Variants in STX1A observed in about 807,000 individuals in gnomAD.
STX1A encodes syntaxin-1A.
A neutral mutation model predicts 37.8 loss-of-function variants in STX1A; 4 were observed. The observed-to-expected ratio is 0.11, with a 90% CI of 0.05 to 0.24. The LOEUF is 0.24. STX1A is among the 10% of genes least tolerant of loss of function. STX1A has a pLI of 1.00. For synonymous variants in STX1A, 135 were observed against 147.4 expected (o/e 0.92, Z 0.61); for missense variants, 251 against 399.9 (o/e 0.63, Z 3.18).
intron 1 of STX1A, among the ~76,000 whole-genome samples, chr7:73,715,529 CT>C (rs1799262696): frequency 6.6e-6 from 1 of 152,186 alleles, no homozygotes; most frequent in African/African-American, 2.4e-5. Flanking sequence ...ACAGACCCTG[CT>C]GGAACCACGG....
At chr7:73,715,363 A>C (rs1799254628) in intron 1 of STX1A, among the ~76,000 whole-genome samples, 1 of 152,030 alleles carries the variant, frequency 6.6e-6, no homozygotes, top group African/African-American at 2.4e-5. Flanking sequence ...TGGAGGCTGC[A>C]GTGAGCTGAG....
At chr7:73,708,515 T>G in intron 3 of STX1A, 74 bp downstream of exon 3, 16 of 1,447,108 alleles carry the variant, frequency 1.1e-5, no homozygotes, top group Non-Finnish European at 1.3e-5. Context: ...AGAGGTCCCG[T>G]GAGGCCTCCC....
rs782523318 is a variant in STX1A at position 73,700,802 on chromosome 7, G to A, written c.717C>T (p.His239=). The A allele has an allele frequency of 1.3e-5, 21 of 1,613,732 alleles. 1 individual carries two copies. Among genetic ancestry groups the A allele is most frequent in the African/African-American group, 6.7e-5 (5 of 74,876 alleles). The change falls in exon 9 of 10, where the codon CAC becomes CAT. Residue 239 remains histidine, a synonymous_variant. Transcript: ENST00000222812. The surrounding 1 kb of genome is among the most constrained non-coding windows in gnomAD (Gnocchi z 4.4). ...MIDRIEYNVE[H]AVDYVERAVS... is the part of the protein sequence containing the mutation. The stretch of plus-strand genomic sequence containing the variant: ...CGGCCCTCTCCACATAGTCTACCGC[G>A]TGTTCCACATTGTACTCGATCCTGT...
rs567608089 is a variant in STX1A at position 73,702,964 on chromosome 7, T to C, written c.559A>G (p.Ile187Val). 41 of 1,522,248 alleles carry C rather than the reference T, an allele frequency of 2.7e-5. No individual in the cohort carries two copies. In the African/African-American group the frequency reaches 4.5e-4, roughly 17 times the overall value. The allele number at this position is 1,522,248 out of a possible 1,614,324, so 94.3% of individuals were successfully genotyped here. A position where few individuals can be genotyped will look rare whatever the true frequency, so the allele number is the denominator to read the frequency against. ...ATCTCGCTCAGAGCCTGCTTCGAGA[T>C]GCTGGAGTCCATGATGATCTGGGGG... ...FASGIIMDSS[I>V]SKQALSEIET... Residue 187 changes from isoleucine (I) to valine (V), a missense_variant, in exon 8 of 10, where the codon ATC (isoleucine) becomes GTC (valine). Around this residue, in one of 2 missense-constraint regions of STX1A, gnomAD observed 214 missense variants for 367.6 expected, o/e 0.58. Transcript: ENST00000222812. This position sits in a 1 kb window ranked among gnomAD's most constrained non-coding sequence, Gnocchi z 4.7.
At position 73,706,556 on chromosome 7, in the gene STX1A, G is replaced by A. The variant is rs1563572672; in HGVS notation, c.209-1332C>T. Among the ~76,000 whole-genome samples the A allele has an allele frequency of 6.6e-6, 1 of 152,076 alleles. No homozygotes were observed. Among genetic ancestry groups the A allele is most frequent in the Non-Finnish European group, 1.5e-5 (1 of 68,022 alleles). ...GCCAGGTCTCAACTGCTCAGCTCAC[G>A]GGTGGTGACTCAGAACCGGTCCCTA... On this transcript the variant is annotated intron_variant, in intron 3 of 9. Transcript: ENST00000222812. This position sits in a 1 kb window ranked among gnomAD's most constrained non-coding sequence, Gnocchi z 4.6.
chr7:73,705,116 G>T lies in STX1A; in HGVS notation c.283+34C>A. 1 of 1,599,798 alleles carries T rather than the reference G, an allele frequency of 6.3e-7. No individual in the cohort carries two copies. The highest frequency in any genetic ancestry group is 8.6e-7 in the Non-Finnish European group (1 of 1,167,034). ...TCCGCAGAGGAAGCAGGCCTAGAAT[G>T]CCCCCCACCCACCCCCAGACAAGCC... On this transcript the variant is annotated intron_variant, in intron 4 of 9. Transcript: ENST00000222812. This position sits in a 1 kb window ranked among gnomAD's most constrained non-coding sequence, Gnocchi z 5.2.
At chr7:73,703,296 A>G in intron 7 of STX1A, 1 of 550,968 alleles carries the variant, frequency 1.8e-6, no homozygotes, top group South Asian at 1.8e-5. Context: ...TGCCCCGTGG[A>G]CCCAAGCCTG....
chr7:73,718,518 G>A (rs529899335), intron 1 of STX1A, among the ~76,000 whole-genome samples: 70 of 152,090 alleles, frequency 4.6e-4, no homozygotes, highest in African/African-American at 1.6e-3. Flanking sequence ...GGGGTGGGGG[G>A]TGCTCCCAGG....
rs2116740224 is a variant in STX1A at position 73,705,201 on chromosome 7, G to C, written c.232C>G (p.Leu78Val). ...DEKTKEELEE[L>V]MSDIKKTANK... ...GCTGTCTTCTTTATGTCGGACATGA[G>C]TTCTTCCAGCTCCTCCTTCGTCTCT... Residue 78 changes from leucine (L) to valine (V), a missense_variant, in exon 4 of 10, where the codon CTC becomes GTC. Coordinates refer to ENST00000222812, the MANE Select transcript of STX1A (RefSeq NM_004603.4). The surrounding 1 kb of genome is among the most constrained non-coding windows in gnomAD (Gnocchi z 5.2). 3.1e-6 allele frequency: 5 copies of C among 1,614,076 alleles called. No individual in the cohort carries two copies. Among genetic ancestry groups the C allele is most frequent in the Non-Finnish European group, 4.2e-6 (5 of 1,179,996 alleles).
rs369480292 is a variant in STX1A at position 73,709,084 on chromosome 7, G to A, written c.69C>T (p.Thr23=). 3.2e-5 allele frequency: 51 copies of A among 1,614,006 alleles called. No individual in the cohort carries two copies. Among genetic ancestry groups the A allele is most frequent in the South Asian group, 1.6e-4 (15 of 91,072 alleles). ...DSDDDDDVAV[T]VDRDRFMDEF... ...CATCCATGAAGCGGTCTCGGTCCAC[G>A]GTGACAGCGACATCATCATCATCAT... Residue 23 remains threonine, a synonymous_variant, in exon 2 of 10, where the codon ACC becomes ACT. Coordinates refer to ENST00000222812, the MANE Select transcript of STX1A (RefSeq NM_004603.4). This position sits in a 1 kb window ranked among gnomAD's most constrained non-coding sequence, Gnocchi z 4.2.
chr7:73,713,871 G>C (rs891724898), intron 1 of STX1A, among the ~76,000 whole-genome samples: 1 of 152,232 alleles, frequency 6.6e-6, no homozygotes, highest in Admixed American at 6.5e-5. Context: ...ACCCTTCGCT[G>C]TGCAGGTGGC....
intron 1 of STX1A, among the ~76,000 whole-genome samples, chr7:73,711,601 C>T (rs1799105795): frequency 6.6e-6 from 1 of 152,030 alleles, no homozygotes; most frequent in Non-Finnish European, 1.5e-5. Context: ...GTCAGAGGAG[C>T]CCTCCCTAGG....
chr7:73,708,486 C>T (rs1554617409), intron 3 of STX1A, 103 bp downstream of exon 3: 19 of 1,157,660 alleles, frequency 1.6e-5, no homozygotes, highest in Non-Finnish European at 2.0e-5. Flanking sequence ...CTCCTAAGCC[C>T]ACCAGCCATG....
chr7:73,717,274 T>C lies in STX1A; in HGVS notation c.30+2328A>G, dbSNP rs1271816388. Among the ~76,000 whole-genome samples, 5 of 152,122 alleles carry C rather than the reference T, an allele frequency of 3.3e-5. No homozygotes were observed. The highest frequency in any genetic ancestry group is 9.7e-5 in the African/African-American group (4 of 41,430). ...CAGCCGCTGTCCCCAGCACCATCTC[T>C]GTTCAGCCCAGCCCAGCCCAGCCCG... On this transcript the variant is annotated intron_variant, in intron 1 of 9. Coordinates refer to ENST00000222812, the MANE Select transcript of STX1A (RefSeq NM_004603.4). The surrounding 1 kb of genome is among the most constrained non-coding windows in gnomAD (Gnocchi z 4.1).
chr7:73,719,531 G>T (rs565239214), intron 1 of STX1A, 71 bp downstream of exon 1: 6 of 1,183,792 alleles, frequency 5.1e-6, no homozygotes, highest in East Asian at 3.6e-5. Flanking sequence ...CGCGGGAGCC[G>T]GGCGGGAAGT....
At position 73,702,977 on chromosome 7, in the gene STX1A, G is replaced by C. The variant is rs782316927; in HGVS notation, c.546C>G (p.Ile182Met). 7 of 1,554,998 alleles carry C rather than the reference G, an allele frequency of 4.5e-6. No homozygotes were observed. Among genetic ancestry groups the C allele is most frequent in the Non-Finnish European group, 5.2e-6 (6 of 1,144,448 alleles). The part of the protein sequence containing the change: ...GNPAIFASGI[I>M]MDSSISKQAL... ...CCTGCTTCGAGATGCTGGAGTCCAT[G>C]ATGATCTGGGGGTGGGAGCAGGGGG... Residue 182 changes from isoleucine (I) to methionine (M), a missense_variant, in exon 8 of 10, where the codon ATC (isoleucine) becomes ATG (methionine). Ile to Met is a conservative substitution (Grantham distance 10, BLOSUM62 1). This residue lies in a region of STX1A where 214 missense variants were observed against 367.6 expected (regional missense o/e 0.58). Transcript: ENST00000222812. This position sits in a 1 kb window ranked among gnomAD's most constrained non-coding sequence, Gnocchi z 4.7.
In STX1A at chr7:73,705,231, A is replaced by C; in HGVS notation, c.209-7T>G. On this transcript the variant is annotated splice_region_variant and splice_polypyrimidine_tract_variant and intron_variant, in intron 3 of 9. Transcript: ENST00000222812. The surrounding 1 kb of genome is among the most constrained non-coding windows in gnomAD (Gnocchi z 5.2). ...TCCAGCTCCTCCTTCGTCTCTGGGGAGGTAGAAAGGGTGGGGGTAGGCCTC... is the reference window on the plus strand; with the variant it reads ...TCCAGCTCCTCCTTCGTCTCTGGGGCGGTAGAAAGGGTGGGGGTAGGCCTC... 1 of 1,612,954 alleles carries C rather than the reference A, an allele frequency of 6.2e-7. No homozygotes were observed. Among genetic ancestry groups the C allele is most frequent in the Non-Finnish European group, 8.5e-7 (1 of 1,179,494 alleles).
chr7:73,701,974 C>T lies in STX1A; in HGVS notation c.678+871G>A, dbSNP rs145548250. Among the ~76,000 whole-genome samples the T allele has an allele frequency of 4.6e-5, 7 of 152,284 alleles. No homozygotes were observed. The East Asian group carries it at 9.6e-4, about 21-fold the overall frequency. On this transcript the variant is annotated intron_variant, in intron 8 of 9. Coordinates refer to ENST00000222812, the MANE Select transcript of STX1A (RefSeq NM_004603.4). ...AAACCCCCTCCAATCTAGAAGAGAC[C>T]GCAAATTCCCCAGCACACTGCCTGC...
intron 1 of STX1A, 117 bp downstream of exon 1, chr7:73,719,485 C>T (rs1273940786): frequency 1.8e-5 from 19 of 1,043,202 alleles, no homozygotes; most frequent in Non-Finnish European, 2.3e-5. Context: ...TCCCTTCAGC[C>T]CTGGCTGGGG....
Sources: gnomAD v4.1 joint callset for allele counts (sites outside exome capture counted in the v4.1 genomes callset) on GRCh38, gnomAD v4.1.1 for gene constraint, gnomAD v4.1.1 regional missense constraint, Gnocchi (gnomAD v3.1) non-coding constraint, MANE v1.5 for transcripts, NCBI Gene and HGNC (gene_info 2026-07-23, HGNC 2026-07-21) for gene names.